The following FUT8 variants were observed in gnomAD, a reference collection of about 807,000 sequenced individuals.
FUT8 encodes alpha-(1,6)-fucosyltransferase.
In FUT8, 29 loss-of-function variants were observed where a neutral mutation model predicts 71.3. The ratio of observed to expected loss-of-function variants is 0.41; its 90% CI spans 0.30 to 0.55. The LOEUF (loss-of-function observed/expected upper bound fraction) is 0.55, where lower values mean the gene tolerates loss of function less well. Among genes scored for constraint, FUT8 ranks in the 20% least tolerant of loss-of-function variants. The probability of loss-of-function intolerance (pLI) is 0.34; values close to 1 mark genes in which losing one functional copy is unlikely to be tolerated. For synonymous variants in FUT8, 254 were observed against 239.3 expected (o/e 1.06, Z -0.57); for missense variants, 544 against 702.1 (o/e 0.77, Z 2.55).
At chr14:65,620,425 G>A (rs75411747) in intron 5 of FUT8, among the ~76,000 whole-genome samples, 3 of 152,272 alleles carry the variant, frequency 2.0e-5, no homozygotes, top group East Asian at 1.9e-4. Context: ...ATTTGCTAAT[G>A]TACAAAAAGA....
At chr14:65,678,571 A>AG (rs35472272) in intron 7 of FUT8, among the ~76,000 whole-genome samples, 6 of 152,138 alleles carry the variant, frequency 3.9e-5, no homozygotes, top group Non-Finnish European at 8.8e-5. Context: ...CTGGGAGTAA[A>AG]GGGGGGTACT....
At chr14:65,385,651 T>C in the FUT8 span, among the ~76,000 whole-genome samples, 1 of 152,300 alleles carries the variant, frequency 6.6e-6, no homozygotes, top group South Asian at 2.1e-4. Context: ...GATAAAATAA[T>C]GGCAGAAGTT....
intron 3 of FUT8, among the ~76,000 whole-genome samples, chr14:65,611,886 C>T (rs781052207): frequency 6.6e-6 from 1 of 152,198 alleles, no homozygotes. Flanking sequence ...GTCTTGAACT[C>T]CTGACCTCAG....
the FUT8 span, among the ~76,000 whole-genome samples, chr14:65,371,351 A>G: frequency 6.6e-6 from 1 of 152,246 alleles, no homozygotes; most frequent in African/African-American, 2.4e-5. Flanking sequence ...AAAAACCATA[A>G]TAAAGCTGTG....
At chr14:65,706,056 G>T (rs1416511710) in intron 7 of FUT8, among the ~76,000 whole-genome samples, 2 of 152,164 alleles carry the variant, frequency 1.3e-5, no homozygotes. Context: ...GAATTACTTT[G>T]TGTCAGCCAT....
intron 10 of FUT8, among the ~76,000 whole-genome samples, chr14:65,738,931 G>A (rs17102895): frequency 0.025 from 3,736 of 152,128 alleles, 142 homozygotes; most frequent in African/African-American, 0.085. Flanking sequence ...TATTGAGCAC[G>A]TACTTTGTGG....
chr14:65,716,034 T>C (rs2139329214), intron 7 of FUT8, among the ~76,000 whole-genome samples: 1 of 152,308 alleles, frequency 6.6e-6, no homozygotes, highest in South Asian at 2.1e-4. Context: ...AAGACTTGTT[T>C]TGTGACCTAA....
rs143664958 is a variant in FUT8 at position 65,433,786 on chromosome 14, T to TCTCTCTCTC, written c.-326+20572_-326+20573insCTCTCTCTC. Among the ~76,000 whole-genome samples, 9 of 144,976 alleles carry TCTCTCTCTC rather than the reference T, an allele frequency of 6.2e-5. No homozygotes were observed. The East Asian group carries it at 1.9e-3, about 30-fold the overall frequency. ...TTTATTTCTACCTCTCTTCTGTCTC[T>TCTCTCTCTC]TCTCTCTCTCTCTCTCTCTCTCTCT... On this transcript the variant is annotated intron_variant, in intron 1 of 10. Coordinates refer to ENST00000673929, the MANE Select transcript of FUT8 (RefSeq NM_001371533.1).
chr14:65,432,851 G>A (rs369248091), intron 1 of FUT8, among the ~76,000 whole-genome samples: 4 of 151,924 alleles, frequency 2.6e-5, no homozygotes, highest in East Asian at 1.9e-4. Context: ...CTTATTTACC[G>A]TATCATCAAG....
chr14:65,733,740 T>C (rs12888212), intron 10 of FUT8, among the ~76,000 whole-genome samples: 55,349 of 152,008 alleles, frequency 0.36, 12,290 homozygotes, highest in Non-Finnish European at 0.5. Flanking sequence ...CCAGAATCCA[T>C]CCATTTCTAC....
chr14:65,411,628 G>C, upstream of FUT8: 1 of 177,660 alleles, frequency 5.6e-6, no homozygotes, highest in Non-Finnish European at 1.2e-5. Flanking sequence ...CTTGCTTTGG[G>C]ATAAGTATCC....
the FUT8 span, among the ~76,000 whole-genome samples, chr14:65,363,987 T>C: frequency 0.11 from 16,644 of 152,236 alleles, 1,325 homozygotes; most frequent in African/African-American, 0.22. Context: ...TCATTTTACA[T>C]GTGCTCCTGG....
chr14:65,611,263 A>AAGTAATAGCCTTGATTTTG (rs1888952308), intron 3 of FUT8, among the ~76,000 whole-genome samples: 1 of 75,982 alleles, frequency 1.3e-5, no homozygotes, highest in African/African-American at 9.2e-5. Context: ...ACACACACAC[A>AAGTAATAGCCTTGATTTTG]CACACACACA....
At chr14:65,659,762 T>C (rs1394375595) in intron 6 of FUT8, among the ~76,000 whole-genome samples, 1 of 152,058 alleles carries the variant, frequency 6.6e-6, no homozygotes, top group Non-Finnish European at 1.5e-5. Context: ...TTCTATCTTA[T>C]TTCCTCCTCT....
chr14:65,428,220 C>A (rs1595362457), intron 1 of FUT8, among the ~76,000 whole-genome samples: 1 of 152,230 alleles, frequency 6.6e-6, no homozygotes, highest in East Asian at 1.9e-4. Context: ...TAAATGTAGC[C>A]ACTGTGTGTG....
rs561265892 is a variant in FUT8 at position 65,584,037 on chromosome 14, G to A, written c.203+22271G>A. Among the ~76,000 whole-genome samples, 17 of 151,566 alleles carry A rather than the reference G, an allele frequency of 1.1e-4. No individual in the cohort carries two copies. The South Asian group carries it at 3.3e-3, about 30-fold the overall frequency. ...TGGGACTACAGGCGCGTGCTACCACGCCTGGCTAATTTTTTGTATTTTTAG... is the reference window on the plus strand; with the variant it reads ...TGGGACTACAGGCGCGTGCTACCACACCTGGCTAATTTTTTGTATTTTTAG... On this transcript the variant is annotated intron_variant, in intron 3 of 10. Transcript: ENST00000673929.
At chr14:65,431,578 G>A (rs951160082) in intron 1 of FUT8, among the ~76,000 whole-genome samples, 1 of 151,700 alleles carries the variant, frequency 6.6e-6, no homozygotes, top group Admixed American at 6.6e-5. Flanking sequence ...CTCTTAAAGT[G>A]TTGGGATTAC....
At chr14:65,381,730 C>A in the FUT8 span, among the ~76,000 whole-genome samples, 7 of 152,164 alleles carry the variant, frequency 4.6e-5, no homozygotes, top group Non-Finnish European at 1.0e-4. Flanking sequence ...ATGCCACCCA[C>A]CCCAGGCTGC....
chr14:65,742,500 G>T lies in FUT8; in HGVS notation c.*90G>T, dbSNP rs975417979. On this transcript the variant is annotated 3_prime_UTR_variant, in exon 11 of 11. Coordinates refer to ENST00000673929, the MANE Select transcript of FUT8 (RefSeq NM_001371533.1). ...CCAAACTGTAGATGAAGAGGGCTCT[G>T]ATCTAACAAAATAAGGTTATATGAG... 9.1e-7 allele frequency: 1 copy of T among 1,100,490 alleles called. No individual in the cohort carries two copies. The highest frequency in any genetic ancestry group is 1.6e-5 in the African/African-American group (1 of 63,470). The allele number at this position is 1,100,490 out of a possible 1,614,324, so 68.2% of individuals were successfully genotyped here.
Sources: gnomAD v4.1 joint callset for allele counts (sites outside exome capture counted in the v4.1 genomes callset) on GRCh38, gnomAD v4.1.1 for gene constraint, MANE v1.5 for transcripts, NCBI Gene and HGNC (gene_info 2026-07-23, HGNC 2026-07-21) for gene names.